Variants in TENM3 observed in about 807,000 individuals in gnomAD.
TENM3 encodes teneurin-3.
A neutral mutation model predicts 255.1 loss-of-function variants in TENM3; 63 were observed. That is an observed-to-expected ratio of 0.25 (90% CI 0.20 to 0.30). The LOEUF is 0.30. TENM3 is among the 10% of genes least tolerant of loss of function. The pLI is 1.00. For synonymous variants in TENM3, 1,306 were observed against 1,322.3 expected (o/e 0.99, Z 0.27); for missense variants, 2,929 against 3,461.1 (o/e 0.85, Z 3.86).
chr4:181,537,084 A>T, the TENM3 span, among the ~76,000 whole-genome samples: 1 of 152,168 alleles, frequency 6.6e-6, no homozygotes, highest in Non-Finnish European at 1.5e-5. Context: ...TGTCTTTCCT[A>T]AGTGAGTTCA....
chr4:181,773,951 C>A, the TENM3 span, among the ~76,000 whole-genome samples: 1 of 151,382 alleles, frequency 6.6e-6, no homozygotes, highest in South Asian at 2.1e-4. Context: ...AAATCTGCCT[C>A]CACTTAGCTA....
Position 182,628,711 on chromosome 4 carries a change from A to G in TENM3, c.810A>G (p.Gly270=), listed in dbSNP as rs1751065808. The change falls in exon 5 of 28, where the codon GGA becomes GGG. Residue 270 remains glycine, a synonymous_variant. Transcript: ENST00000511685. ...TTPLFSTATP[G]YTMASGSVYS... Reference sequence around the variant, plus strand: ...CACTGTTCAGTACTGCAACCCCAGGATACACAATGGCATCTGGCTCTGTTT... The same window carrying G: ...CACTGTTCAGTACTGCAACCCCAGGGTACACAATGGCATCTGGCTCTGTTT... The G allele has an allele frequency of 3.1e-6, 5 of 1,608,444 alleles. No individual in the cohort carries two copies. The highest frequency in any genetic ancestry group is 3.4e-5 in the Admixed American group (2 of 59,238).
intron 3 of TENM3, among the ~76,000 whole-genome samples, chr4:182,420,532 C>T (rs1274828339): frequency 1.3e-5 from 2 of 152,148 alleles, no homozygotes; most frequent in Non-Finnish European, 2.9e-5. Flanking sequence ...AGTTTCTAGG[C>T]CTTTATCAGA....
intron 13 of TENM3, among the ~76,000 whole-genome samples, chr4:182,716,945 C>A (rs989374645): frequency 2.0e-5 from 3 of 152,108 alleles, no homozygotes; most frequent in African/African-American, 7.2e-5. Context: ...CCCAATGTGG[C>A]CCTAGTCAGC....
rs971917210 is a variant in TENM3, at chr4:182,800,433, C to T, written c.*82C>T. The stretch of plus-strand genomic sequence containing the variant: ...AACCCGAGTGGGACTCTCCAACGCC[C>T]AAGAGCCTTCCTCCCGGGGGAATGA... On this transcript the variant is annotated 3_prime_UTR_variant, in exon 28 of 28. Coordinates refer to ENST00000511685, the MANE Select transcript of TENM3 (RefSeq NM_001080477.4). The T allele has an allele frequency of 2.1e-6, 3 of 1,431,590 alleles. No individual in the cohort carries two copies. In the East Asian group the frequency reaches 7.8e-5, roughly 37 times the overall value. The allele number at this position is 1,431,590 out of a possible 1,614,324, so 88.7% of individuals were successfully genotyped here. A position where few individuals can be genotyped will look rare whatever the true frequency, so the allele number is the denominator to read the frequency against.
chr4:182,743,774 A>T (rs1683881760), intron 19 of TENM3, among the ~76,000 whole-genome samples: 1 of 152,208 alleles, frequency 6.6e-6, no homozygotes, highest in African/African-American at 2.4e-5. Flanking sequence ...GTTGAAATTA[A>T]GGCATAAAAT....
chr4:182,789,408 C>G lies in TENM3; in HGVS notation c.5601+19C>G. The G allele has an allele frequency of 6.2e-7, 1 of 1,600,068 alleles. No individual in the cohort carries two copies. The highest frequency in any genetic ancestry group is 8.5e-7 in the Non-Finnish European group (1 of 1,170,288). On this transcript the variant is annotated intron_variant, in intron 25 of 27. Coordinates refer to ENST00000511685, the MANE Select transcript of TENM3 (RefSeq NM_001080477.4). The surrounding 1 kb of genome is among the most constrained non-coding windows in gnomAD (Gnocchi z 4.4). ...AGAAAAGGTATGCCTGCAAACTAAG[C>G]TCAACAATAGGGAAAGGATAATTCA...
chr4:181,820,655 C>T, the TENM3 span, among the ~76,000 whole-genome samples: 4 of 152,204 alleles, frequency 2.6e-5, no homozygotes, highest in South Asian at 2.1e-4. Context: ...AAAGCACCAC[C>T]GCTGTAAATA....
chr4:181,465,729 C>T, the TENM3 span, among the ~76,000 whole-genome samples: 1 of 152,096 alleles, frequency 6.6e-6, no homozygotes, highest in African/African-American at 2.4e-5. Context: ...TTCCCAAGGC[C>T]TCTGAATAGC....
At chr4:182,714,804 T>C (rs2152680007) in intron 13 of TENM3, among the ~76,000 whole-genome samples, 1 of 152,366 alleles carries the variant, frequency 6.6e-6, no homozygotes, top group South Asian at 2.1e-4. Context: ...CCATGTACTG[T>C]ATTTTAATTT....
At chr4:182,277,849 A>C (rs1332098834) in intron 1 of TENM3, among the ~76,000 whole-genome samples, 1 of 152,192 alleles carries the variant, frequency 6.6e-6, no homozygotes, top group Non-Finnish European at 1.5e-5. Context: ...AATTTTTAGA[A>C]GAATCCTTTT....
intron 3 of TENM3, among the ~76,000 whole-genome samples, chr4:182,474,060 C>G (rs1733424647): frequency 1.3e-5 from 2 of 152,152 alleles, no homozygotes; most frequent in African/African-American, 4.8e-5. Flanking sequence ...TGATTTGCTG[C>G]TCTAGAATGG....
At chr4:181,893,939 C>A in the TENM3 span, among the ~76,000 whole-genome samples, 4 of 151,828 alleles carry the variant, frequency 2.6e-5, no homozygotes, top group Admixed American at 2.6e-4. Flanking sequence ...CATAAAACTA[C>A]CAATAAACAA....
chr4:182,697,027 G>A (rs1451047704), intron 12 of TENM3, among the ~76,000 whole-genome samples: 2 of 152,066 alleles, frequency 1.3e-5, no homozygotes, highest in Non-Finnish European at 2.9e-5. Context: ...TAACTACCTC[G>A]TAGAGTCCCT....
At chr4:181,697,950 C>T in the TENM3 span, among the ~76,000 whole-genome samples, 6 of 151,992 alleles carry the variant, frequency 3.9e-5, no homozygotes, top group South Asian at 2.1e-4. Flanking sequence ...CATGGTGGCT[C>T]ACGCCTGTAA....
At chr4:182,403,675 C>T (rs1769358149) in intron 3 of TENM3, among the ~76,000 whole-genome samples, 1 of 152,176 alleles carries the variant, frequency 6.6e-6, no homozygotes, top group African/African-American at 2.4e-5. Context: ...AATTGGATGC[C>T]TTTATGAAAC....
chr4:182,680,527 G>A lies in TENM3; in HGVS notation c.1640-16G>A, dbSNP rs752179342. ...AAAGTGTGGCTGTAATTCTTCTGTC[G>A]TGTCTTGTTTCACAGCCGCCTGTCC... On this transcript the variant is annotated splice_polypyrimidine_tract_variant and intron_variant, in intron 9 of 27. Transcript: ENST00000511685. 2.3e-5 allele frequency: 37 copies of A among 1,611,260 alleles called. No individual in the cohort carries two copies. In the Middle Eastern group the frequency reaches 6.7e-4, roughly 29 times the overall value.
At chr4:182,484,353 G>A (rs11132133) in intron 3 of TENM3, among the ~76,000 whole-genome samples, 102,833 of 151,988 alleles carry the variant, frequency 0.68, 37,359 homozygotes, top group East Asian at 0.92. Flanking sequence ...TTAATGCTCC[G>A]AATCATTACC....
intron 1 of TENM3, among the ~76,000 whole-genome samples, chr4:182,166,674 C>T (rs1751746522): frequency 6.6e-6 from 1 of 152,058 alleles, no homozygotes; most frequent in Non-Finnish European, 1.5e-5. Flanking sequence ...CTCTGTTGCC[C>T]AGGCTAGAGT....
Sources: gnomAD v4.1 joint callset for allele counts (sites outside exome capture counted in the v4.1 genomes callset) on GRCh38, gnomAD v4.1.1 for gene constraint, Gnocchi (gnomAD v3.1) non-coding constraint, MANE v1.5 for transcripts, NCBI Gene and HGNC (gene_info 2026-07-23, HGNC 2026-07-21) for gene names.